The following NLRP5 variants were observed in gnomAD, a reference collection of about 807,000 sequenced individuals.
The protein encoded by NLRP5 is NACHT, LRR and PYD domains-containing protein 5.
Under a neutral mutation model 113.1 loss-of-function variants are expected in NLRP5, and 93 were observed. The observed-to-expected ratio is 0.82, with a 90% CI of 0.70 to 0.98. The LOEUF (loss-of-function observed/expected upper bound fraction) is 0.98, where lower values mean the gene tolerates loss of function less well. Ranked by LOEUF, NLRP5 falls within the 50% of genes least tolerant of loss-of-function variation. The pLI is 0.00. For missense variants in NLRP5, 1,808 were observed against 1,514.3 expected (o/e 1.19, Z -3.22); for synonymous variants, 751 against 600.7 (o/e 1.25, Z -3.66).
At chr19:56,019,868 G>T (rs542488902) in intron 5 of NLRP5, among the ~76,000 whole-genome samples, 1 of 148,036 alleles carries the variant, frequency 6.8e-6, no homozygotes, top group South Asian at 2.1e-4. Context: ...AAGGAGTCTC[G>T]CTGTGTCGCC....
intron 13 of NLRP5, among the ~76,000 whole-genome samples, chr19:56,054,995 T>A (rs1385868807): frequency 8.4e-5 from 1 of 11,956 alleles, no homozygotes; most frequent in Non-Finnish European, 3.2e-4. Context: ...CCCTCCCCTT[T>A]TTTTTTTTTT....
the NLRP5 span, among the ~76,000 whole-genome samples, chr19:55,990,238 G>A: frequency 3.3e-5 from 5 of 151,404 alleles, no homozygotes; most frequent in East Asian, 7.9e-4. Context: ...ACAGGCACAC[G>A]CCACGATGCC....
chr19:55,991,591 A>C, the NLRP5 span, among the ~76,000 whole-genome samples: 14,258 of 152,024 alleles, frequency 0.094, 812 homozygotes, highest in African/African-American at 0.15. Context: ...ATTTGATCTC[A>C]CGTTTAACTG....
At position 56,003,762 on chromosome 19, in the gene NLRP5, A is replaced by T. The variant is rs770227535; in HGVS notation, c.109A>T (p.Asn37Tyr). ...TCCTACTTGCTCTATATTACCAAAG[A>T]ATCCACTTTTCCCCCAAAACCTGAG... Residue 37 changes from asparagine to tyrosine, a missense_variant, in exon 2 of 15, where the codon AAT becomes TAT. Asn to Tyr is a moderately radical substitution (Grantham distance 143, BLOSUM62 -2). Coordinates refer to ENST00000390649, the MANE Select transcript of NLRP5 (RefSeq NM_153447.4). 6.2e-7 allele frequency: 1 copy of T among 1,613,578 alleles called. No individual in the cohort carries two copies. Among genetic ancestry groups the T allele is most frequent in the African/African-American group, 1.3e-5 (1 of 75,020 alleles).
intron 6 of NLRP5, among the ~76,000 whole-genome samples, chr19:56,025,404 C>CTCTG (rs1238051528): frequency 2.0e-5 from 3 of 151,008 alleles, no homozygotes; most frequent in African/African-American, 7.3e-5. Context: ...CTCTCTCTCT[C>CTCTG]TGTCTCTCTG....
Position 56,038,011 on chromosome 19 carries a change from G to A in NLRP5, c.2616-14G>A. On this transcript the variant is annotated splice_polypyrimidine_tract_variant and intron_variant, in intron 9 of 14. Coordinates refer to ENST00000390649, the MANE Select transcript of NLRP5 (RefSeq NM_153447.4). The stretch of plus-strand genomic sequence containing the variant: ...ACAAGAGCTGGGATTGCTTCATGCT[G>A]CCTGTCTCTGCAGGCTGGATTGCTG... The A allele has an allele frequency of 6.2e-7, 1 of 1,613,648 alleles. No homozygotes were observed. Among genetic ancestry groups the A allele is most frequent in the Non-Finnish European group, 8.5e-7 (1 of 1,179,738 alleles).
chr19:56,005,988 T>C (rs1367647975), intron 2 of NLRP5, among the ~76,000 whole-genome samples: 2 of 152,204 alleles, frequency 1.3e-5, no homozygotes, highest in African/African-American at 4.8e-5. Context: ...TTAACATTCA[T>C]CTACCGTGGC....
intron 13 of NLRP5, among the ~76,000 whole-genome samples, chr19:56,057,845 A>G (rs1311752306): frequency 6.6e-6 from 1 of 152,028 alleles, no homozygotes; most frequent in African/African-American, 2.4e-5. Flanking sequence ...GGCCAACATG[A>G]TGAAACTCTG....
rs772081338 is a variant in NLRP5 at position 56,032,644 on chromosome 19, G to A, written c.2310G>A (p.Trp770Ter). Reference sequence around the variant, plus strand: ...ATAAGACCCTCATTGAGGAGCAGTGGGAAGATTTCTGCTCCATGCTTGGCA... The same window carrying A: ...ATAAGACCCTCATTGAGGAGCAGTGAGAAGATTTCTGCTCCATGCTTGGCA... The change falls in exon 8 of 15, where the codon TGG (tryptophan) becomes TGA (stop). Residue 770 changes from tryptophan (W) to a stop codon, truncating the protein, a stop_gained. Coordinates refer to ENST00000390649, the MANE Select transcript of NLRP5 (RefSeq NM_153447.4). LOFTEE classifies it high-confidence loss of function. The A allele has an allele frequency of 6.2e-7, 1 of 1,613,714 alleles. No homozygotes were observed. Among genetic ancestry groups the A allele is most frequent in the South Asian group, 1.1e-5 (1 of 91,022 alleles).
chr19:56,043,704 C>G (rs879765255), intron 11 of NLRP5, among the ~76,000 whole-genome samples: 6 of 150,944 alleles, frequency 4.0e-5, no homozygotes, highest in Admixed American at 4.0e-4. Context: ...TAGCTGGTAG[C>G]TGGGACTACA....
intron 8 of NLRP5, 69 bp downstream of exon 8, chr19:56,032,850 G>T: frequency 6.8e-7 from 1 of 1,459,890 alleles, no homozygotes; most frequent in Non-Finnish European, 9.3e-7. Context: ...CCTACCTCCT[G>T]AGAGACCCAT....
intron 1 of NLRP5, among the ~76,000 whole-genome samples, chr19:56,001,881 C>T (rs752845703): frequency 6.6e-6 from 1 of 152,198 alleles, no homozygotes; most frequent in South Asian, 2.1e-4. Flanking sequence ...ATTGCTTTGT[C>T]ATCTACCACA....
At chr19:55,994,285 C>A in the NLRP5 span, among the ~76,000 whole-genome samples, 1 of 152,202 alleles carries the variant, frequency 6.6e-6, no homozygotes, top group Non-Finnish European at 1.5e-5. Context: ...TTTTTACCCA[C>A]TTCTTAAATG....
intron 11 of NLRP5, among the ~76,000 whole-genome samples, chr19:56,043,026 T>C (rs1983578626): frequency 6.6e-6 from 1 of 152,202 alleles, no homozygotes; most frequent in African/African-American, 2.4e-5. Flanking sequence ...TTTGGGTTGG[T>C]TCCACGATTT....
intron 10 of NLRP5, among the ~76,000 whole-genome samples, chr19:56,040,366 G>A (rs760863832): frequency 4.7e-4 from 71 of 152,054 alleles, no homozygotes; most frequent in African/African-American, 1.7e-4. Flanking sequence ...GGCCAGCTTC[G>A]AGACCAGCCT....
intron 11 of NLRP5, among the ~76,000 whole-genome samples, chr19:56,043,235 C>T (rs535764995): frequency 2.6e-5 from 4 of 152,236 alleles, no homozygotes; most frequent in South Asian, 4.1e-4. Context: ...AGAGTGGATG[C>T]GTTCCCTGAT....
intron 3 of NLRP5, among the ~76,000 whole-genome samples, chr19:56,015,396 A>G (rs1228896081): frequency 1.3e-5 from 2 of 152,100 alleles, no homozygotes; most frequent in Non-Finnish European, 2.9e-5. Context: ...GGGTTTCACC[A>G]TGTTGGCCAG....
chr19:56,003,669 TGTTA>T (rs1331055979), intron 1 of NLRP5, 63 bp from the exon 2 acceptor site: 2 of 1,534,004 alleles, frequency 1.3e-6, no homozygotes, highest in African/African-American at 1.4e-5. Flanking sequence ...AGGTGATTGA[TGTTA>T]GTTGTATCTA....
chr19:56,001,521 T>G (rs1307383947), intron 1 of NLRP5, among the ~76,000 whole-genome samples: 1 of 152,128 alleles, frequency 6.6e-6, no homozygotes, highest in Admixed American at 6.6e-5. Flanking sequence ...ATCTTAAAAC[T>G]TTCCCATGGA....
Sources: allele counts gnomAD v4.1 joint callset (sites outside exome capture counted in the v4.1 genomes callset), GRCh38; gene constraint gnomAD v4.1.1; transcripts MANE v1.5; gene names NCBI Gene and HGNC (gene_info 2026-07-23, HGNC 2026-07-21).